GRIN2A: variants seen among roughly 807,000 people sequenced by gnomAD.
GRIN2A encodes the protein glutamate receptor ionotropic, NMDA 2A.
In GRIN2A, 22 loss-of-function variants were observed where a neutral mutation model predicts 113.4. The ratio of observed to expected loss-of-function variants is 0.19; its 90% confidence interval spans 0.14 to 0.28. The LOEUF is 0.28. Among genes scored for constraint, GRIN2A ranks in the 10% least tolerant of loss-of-function variants. The probability of loss-of-function intolerance (pLI) is 1.00; values close to 1 mark genes in which losing one functional copy is unlikely to be tolerated. For synonymous variants in GRIN2A, 827 were observed against 738.4 expected (o/e 1.12, Z -1.94); for missense variants, 1,502 against 1,887.0 (o/e 0.80, Z 3.78).
chr16:10,149,170 T>C (rs937694167), intron 2 of GRIN2A, among the ~76,000 whole-genome samples: 3 of 151,890 alleles, frequency 2.0e-5, no homozygotes, highest in Non-Finnish European at 4.4e-5. Context: ...CACAAGAGAG[T>C]GACTGTAGTT....
intron 10 of GRIN2A, among the ~76,000 whole-genome samples, chr16:9,806,955 G>T (rs1447932309): frequency 2.0e-5 from 3 of 151,486 alleles, no homozygotes; most frequent in Non-Finnish European, 4.4e-5. Context: ...CCCCCATAAG[G>T]TTCTTGTGGT....
rs1900446705 is a variant in GRIN2A, at chr16:9,758,423, T to C, written c.*4726A>G. The C allele has an allele frequency of 4.5e-6, 1 of 221,488 alleles. No individual in the cohort carries two copies. The highest frequency in any genetic ancestry group is 2.2e-5 in the African/African-American group (1 of 44,686). 13.7% of individuals were successfully genotyped at this position (221,488 alleles called of 1,614,324 possible). On this transcript the variant is annotated 3_prime_UTR_variant, in exon 13 of 13. Transcript: ENST00000330684. ...GCCAACACCCATATTCTACTTAGGC[T>C]CTGTCATCCTCCCTACAACTGAGAT... is the stretch of plus-strand genomic sequence containing the variant.
chr16:10,170,231 T>G (rs2050014144), intron 2 of GRIN2A, among the ~76,000 whole-genome samples: 1 of 152,194 alleles, frequency 6.6e-6, no homozygotes, highest in Non-Finnish European at 1.5e-5. Context: ...CATTCCCAAG[T>G]GAGTTGGATG....
intron 2 of GRIN2A, among the ~76,000 whole-genome samples, chr16:10,024,491 T>C (rs1005768298): frequency 6.6e-6 from 1 of 152,244 alleles, no homozygotes; most frequent in Non-Finnish European, 1.5e-5. Context: ...GTGCTGGAAT[T>C]ACAGGCGTGA....
At chr16:10,035,154 T>G (rs955875898) in intron 2 of GRIN2A, among the ~76,000 whole-genome samples, 12 of 152,100 alleles carry the variant, frequency 7.9e-5, no homozygotes, top group African/African-American at 2.7e-4. Context: ...ACCTCTTGAG[T>G]AGCTGGGACT....
chr16:9,925,806 T>C (rs572835630), intron 3 of GRIN2A, among the ~76,000 whole-genome samples: 1 of 152,292 alleles, frequency 6.6e-6, no homozygotes, highest in South Asian at 2.1e-4. Flanking sequence ...TGAAGGTAAA[T>C]AAGACCATTA....
intron 2 of GRIN2A, among the ~76,000 whole-genome samples, chr16:9,974,636 G>C (rs577048662): frequency 6.6e-6 from 1 of 152,060 alleles, no homozygotes; most frequent in Admixed American, 6.6e-5. Context: ...TTTTGTCTGC[G>C]GCTCGTCCTG....
chr16:9,763,917 C>T lies in GRIN2A; in HGVS notation c.3627G>A (p.Gln1209=), dbSNP rs1191216428. 1.9e-6 allele frequency: 3 copies of T among 1,614,036 alleles called. No individual in the cohort carries two copies. The highest frequency in any genetic ancestry group is 2.5e-6 in the Non-Finnish European group (3 of 1,180,042). Residue 1209 remains glutamine, a synonymous_variant, in exon 13 of 13, where the codon CAG becomes CAA. Coordinates refer to ENST00000330684, the MANE Select transcript of GRIN2A (RefSeq NM_001134407.3). The part of the protein sequence containing the change: ...PHSETSERYR[Q]NSTHCRSCLS... The stretch of plus-strand genomic sequence containing the variant: ...GGCAGCTTCTGCAGTGCGTGGAGTT[C>T]TGCCGGTATCGCTCGCTGGTCTCAC...
chr16:10,073,372 G>C (rs548705969), intron 2 of GRIN2A, among the ~76,000 whole-genome samples: 2 of 152,252 alleles, frequency 1.3e-5, no homozygotes, highest in South Asian at 2.1e-4. Flanking sequence ...AAAGACACAG[G>C]AGTGTTTTAC....
At chr16:9,959,981 A>C (rs892766764) in intron 2 of GRIN2A, among the ~76,000 whole-genome samples, 1 of 152,212 alleles carries the variant, frequency 6.6e-6, no homozygotes, top group African/African-American at 2.4e-5. Context: ...TCAAAAAAAC[A>C]AACAAAAACC....
At chr16:9,974,671 A>T (rs1320187784) in intron 2 of GRIN2A, among the ~76,000 whole-genome samples, 1 of 152,124 alleles carries the variant, frequency 6.6e-6, no homozygotes, top group Non-Finnish European at 1.5e-5. Context: ...AGTAGGCCCT[A>T]TACTGAAAAG....
chr16:10,080,138 G>A (rs1728562833), intron 2 of GRIN2A, among the ~76,000 whole-genome samples: 1 of 152,216 alleles, frequency 6.6e-6, no homozygotes, highest in South Asian at 2.1e-4. Flanking sequence ...CTGCCTGGTT[G>A]CCACAACAGC....
intron 2 of GRIN2A, among the ~76,000 whole-genome samples, chr16:10,135,281 C>A (rs559167032): frequency 3.2e-4 from 48 of 152,306 alleles, no homozygotes; most frequent in African/African-American, 1.1e-3. Context: ...TCGTAGGTAG[C>A]CCTCCCTGGT....
intron 2 of GRIN2A, among the ~76,000 whole-genome samples, chr16:10,170,346 G>T (rs1304455405): frequency 6.6e-6 from 1 of 152,188 alleles, no homozygotes. Flanking sequence ...ATTGAGAGAG[G>T]TTGGTCAAAA....
intron 2 of GRIN2A, among the ~76,000 whole-genome samples, chr16:10,063,220 T>C (rs1391972760): frequency 6.6e-6 from 1 of 152,176 alleles, no homozygotes; most frequent in African/African-American, 2.4e-5. Context: ...GGGATGATGA[T>C]AAGTGTGAGG....
At chr16:9,835,960 C>T (rs1029035075) in intron 7 of GRIN2A, among the ~76,000 whole-genome samples, 6 of 152,056 alleles carry the variant, frequency 3.9e-5, no homozygotes, top group Non-Finnish European at 8.8e-5. Flanking sequence ...ACACAAGATG[C>T]GCTCCAAGAA....
intron 2 of GRIN2A, among the ~76,000 whole-genome samples, chr16:9,996,162 G>T (rs1362332623): frequency 2.0e-5 from 3 of 151,960 alleles, no homozygotes; most frequent in Non-Finnish European, 4.4e-5. Flanking sequence ...TAAAAGAATG[G>T]GATAAGTTGA....
chr16:9,924,501 T>G (rs2044418982), intron 3 of GRIN2A, among the ~76,000 whole-genome samples: 1 of 152,220 alleles, frequency 6.6e-6, no homozygotes, highest in African/African-American at 2.4e-5. Flanking sequence ...TGATATATCT[T>G]TAAAACTGAT....
At chr16:10,092,548 T>C (rs1176018047) in intron 2 of GRIN2A, among the ~76,000 whole-genome samples, 1 of 152,234 alleles carries the variant, frequency 6.6e-6, no homozygotes, top group Non-Finnish European at 1.5e-5. Context: ...TTGCCTTTTA[T>C]AATAAGTAAC....
Sources: allele counts gnomAD v4.1 joint callset (sites outside exome capture counted in the v4.1 genomes callset), GRCh38; gene constraint gnomAD v4.1.1; transcripts MANE v1.5; gene names NCBI Gene and HGNC (gene_info 2026-07-23, HGNC 2026-07-21).